The following SLC2A13 variants were observed in gnomAD, a reference collection of about 807,000 sequenced individuals.
The protein encoded by SLC2A13 is solute carrier family 2 member 13, also known as proton myo-inositol cotransporter.
In SLC2A13, 32 loss-of-function variants were observed where a neutral mutation model predicts 64.4. The observed-to-expected ratio is 0.50, with a 90% CI of 0.37 to 0.67. The LOEUF (loss-of-function observed/expected upper bound fraction) is 0.67, where lower values mean the gene tolerates loss of function less well. Ranked by LOEUF, SLC2A13 falls within the 30% of genes least tolerant of loss-of-function variation. The probability of loss-of-function intolerance (pLI) is 0.00; values close to 1 mark genes in which losing one functional copy is unlikely to be tolerated. For synonymous variants in SLC2A13, 338 were observed against 327.1 expected, an observed-to-expected ratio of 1.03 and a Z score of -0.36; for missense variants, 743 against 829.2, an observed-to-expected ratio of 0.90 and a Z score of 1.28.
chr12:39,983,827 G>C (rs1209226605), intron 3 of SLC2A13, among the ~76,000 whole-genome samples: 3 of 139,084 alleles, frequency 2.2e-5, no homozygotes, highest in Non-Finnish European at 4.6e-5. Context: ...TCCCATTACT[G>C]GGTATATACC....
At chr12:40,049,814 G>A (rs1473562971) in intron 1 of SLC2A13, among the ~76,000 whole-genome samples, 1 of 152,040 alleles carries the variant, frequency 6.6e-6, no homozygotes, top group East Asian at 1.9e-4. Flanking sequence ...AAAATTCACT[G>A]TATTATTGCA....
At chr12:39,993,734 T>C (rs559825719) in intron 3 of SLC2A13, among the ~76,000 whole-genome samples, 17 of 152,310 alleles carry the variant, frequency 1.1e-4, no homozygotes, top group Non-Finnish European at 2.5e-4. Flanking sequence ...TTAATTGATA[T>C]AAAAGTGTTA....
At chr12:39,779,351 G>A (rs1244982934) in intron 7 of SLC2A13, among the ~76,000 whole-genome samples, 4 of 152,148 alleles carry the variant, frequency 2.6e-5, no homozygotes, top group Non-Finnish European at 4.4e-5. Flanking sequence ...TGAGAGAACT[G>A]ATGTTTTTCT....
chr12:39,846,227 T>C (rs1007249847), intron 6 of SLC2A13, among the ~76,000 whole-genome samples: 2 of 152,132 alleles, frequency 1.3e-5, no homozygotes, highest in African/African-American at 4.8e-5. Context: ...TATATCAACA[T>C]AGGTATTTTA....
rs146304690 is a variant in SLC2A13, at chr12:39,880,490, C to T, written c.1035-8529G>A. Among the ~76,000 whole-genome samples, 480 of 152,126 alleles carry T rather than the reference C, an allele frequency of 3.2e-3. 3 individuals carry two copies. Among genetic ancestry groups the T allele is most frequent in the Middle Eastern group, 6.8e-3 (2 of 294 alleles). On this transcript the variant is annotated intron_variant, in intron 4 of 9. Transcript: ENST00000280871. Reference sequence around the variant, plus strand: ...AAATCACAATTGCACATATTTCATACGAGGGATTTGAGCTAACATACTAGT... The same window carrying T: ...AAATCACAATTGCACATATTTCATATGAGGGATTTGAGCTAACATACTAGT...
rs11174140 is a variant in SLC2A13 at position 39,888,426 on chromosome 12, T to C, written c.1035-16465A>G. ...TTTTAGCAGAGACAAGGTTTCACCA[T>C]ATTGGTCAGGCTGAACTCGAACTGC... On this transcript the variant is annotated intron_variant, in intron 4 of 9. Transcript: ENST00000280871. Among the ~76,000 whole-genome samples, 3 of 152,008 alleles carry C rather than the reference T, an allele frequency of 2.0e-5. No individual in the cohort carries two copies. The South Asian group carries it at 6.2e-4, about 32-fold the overall frequency.
At chr12:39,958,078 C>T (rs1361430476) in intron 3 of SLC2A13, among the ~76,000 whole-genome samples, 1 of 152,190 alleles carries the variant, frequency 6.6e-6, no homozygotes, top group Non-Finnish European at 1.5e-5. Context: ...TTTTTTACCC[C>T]ATGTTATCTA....
At chr12:39,968,664 A>G (rs1406444122) in intron 3 of SLC2A13, among the ~76,000 whole-genome samples, 2 of 151,688 alleles carry the variant, frequency 1.3e-5, no homozygotes, top group African/African-American at 4.8e-5. Flanking sequence ...TCACTTCTAC[A>G]TTCCTTGAAA....
At chr12:39,993,954 A>G (rs1288141029) in intron 3 of SLC2A13, among the ~76,000 whole-genome samples, 1 of 152,228 alleles carries the variant, frequency 6.6e-6, no homozygotes, top group East Asian at 1.9e-4. Context: ...TTTGTTTAAT[A>G]ATAATAATAA....
intron 4 of SLC2A13, among the ~76,000 whole-genome samples, chr12:39,947,357 C>G (rs1243246485): frequency 6.6e-6 from 1 of 152,154 alleles, no homozygotes; most frequent in Non-Finnish European, 1.5e-5. Flanking sequence ...AAATCTGATA[C>G]CTTTCATTCA....
At chr12:39,873,976 T>A (rs1944120089) in intron 4 of SLC2A13, among the ~76,000 whole-genome samples, 1 of 152,230 alleles carries the variant, frequency 6.6e-6, no homozygotes, top group South Asian at 2.1e-4. Flanking sequence ...TGTGAATTAC[T>A]AAGATCCCAC....
At position 39,771,180 on chromosome 12, in the gene SLC2A13, G is replaced by A. The variant is rs944062550; in HGVS notation, c.1446-6322C>T. Among the ~76,000 whole-genome samples the A allele has an allele frequency of 3.9e-5, 6 of 152,252 alleles. No homozygotes were observed. In the East Asian group the frequency reaches 5.8e-4, roughly 15 times the overall value. ...CACCTGCCTCTGCCTCTGCGGGAGAGAGACTCTAGAGTAACCCTGATGGTT... is the reference window on the plus strand; with the variant it reads ...CACCTGCCTCTGCCTCTGCGGGAGAAAGACTCTAGAGTAACCCTGATGGTT... On this transcript the variant is annotated intron_variant, in intron 7 of 9. Coordinates refer to ENST00000280871, the MANE Select transcript of SLC2A13 (RefSeq NM_052885.4).
intron 1 of SLC2A13, among the ~76,000 whole-genome samples, chr12:40,090,858 A>T (rs969303004): frequency 2.6e-5 from 4 of 152,210 alleles, no homozygotes; most frequent in African/African-American, 9.7e-5. Flanking sequence ...ATTATCTATG[A>T]AGAAGTAAAA....
chr12:40,098,929 G>A (rs1939053513), intron 1 of SLC2A13, among the ~76,000 whole-genome samples: 2 of 152,188 alleles, frequency 1.3e-5, no homozygotes, highest in African/African-American at 4.8e-5. Context: ...GCAGCGGCAG[G>A]GTGGCGCTAA....
chr12:40,105,479 C>T lies in SLC2A13; in HGVS notation c.330G>A (p.Lys110=), dbSNP rs1418481025. ...ACAGCGCGTCCAGACTGAGCTGCCG[C>T]TTGAGCAGCAGCATGGCCCCTGACA... The part of the protein sequence containing the change: ...GVVSGAMLLL[K]RQLSLDALWQ... Residue 110 remains lysine, a synonymous_variant, in exon 1 of 10, where the codon AAG becomes AAA. Coordinates refer to ENST00000280871, the MANE Select transcript of SLC2A13 (RefSeq NM_052885.4). This position sits in a 1 kb window ranked among gnomAD's most constrained non-coding sequence, Gnocchi z 4.2. 1 of 1,570,544 alleles carries T rather than the reference C, an allele frequency of 6.4e-7. No individual in the cohort carries two copies. The highest frequency in any genetic ancestry group is 8.6e-7 in the Non-Finnish European group (1 of 1,158,656).
chr12:40,004,063 A>T (rs754887159), intron 3 of SLC2A13, among the ~76,000 whole-genome samples: 2 of 152,220 alleles, frequency 1.3e-5, no homozygotes, highest in Admixed American at 6.5e-5. Context: ...ACAAATTTAA[A>T]AAAAGATAGT....
At chr12:39,776,958 A>T (rs1443641013) in intron 7 of SLC2A13, among the ~76,000 whole-genome samples, 1 of 152,122 alleles carries the variant, frequency 6.6e-6, no homozygotes, top group East Asian at 1.9e-4. Flanking sequence ...TCAATTTTTT[A>T]TAGACATGGC....
chr12:39,963,803 T>G (rs1023655469), intron 3 of SLC2A13, among the ~76,000 whole-genome samples: 1 of 152,206 alleles, frequency 6.6e-6, no homozygotes, highest in African/African-American at 2.4e-5. Context: ...CATTCCCTTT[T>G]TAGATTCAGA....
Position 39,764,807 on chromosome 12 carries a change from A to G in SLC2A13, c.1497T>C (p.Asn499=), listed in dbSNP as rs370330465. Residue 499 remains asparagine (N), a synonymous_variant, in exon 8 of 10, where the codon AAT becomes AAC. Transcript: ENST00000280871. The part of the protein sequence containing the change: ...FKTEDIFWAY[N]FCPTPYSWTA... ...TCCAGGAGTATGGAGTAGGGCAGAAATTGTAAGCCCAAAATATATCTTCTG... is the reference window on the plus strand; with the variant it reads ...TCCAGGAGTATGGAGTAGGGCAGAAGTTGTAAGCCCAAAATATATCTTCTG... 4 of 1,612,714 alleles carry G rather than the reference A, an allele frequency of 2.5e-6. No homozygotes were observed. The highest frequency in any genetic ancestry group is 3.4e-6 in the Non-Finnish European group (4 of 1,179,238).
Sources: gnomAD v4.1 joint callset for allele counts (sites outside exome capture counted in the v4.1 genomes callset) on GRCh38, gnomAD v4.1.1 for gene constraint, Gnocchi (gnomAD v3.1) non-coding constraint, MANE v1.5 for transcripts, NCBI Gene and HGNC (gene_info 2026-07-23, HGNC 2026-07-21) for gene names.